The following SLC8A3 variants were observed in gnomAD, a reference collection of about 807,000 sequenced individuals.
SLC8A3 encodes the protein sodium/calcium exchanger 3.
A neutral mutation model predicts 65.4 loss-of-function variants in SLC8A3; 37 were observed. The ratio of observed to expected loss-of-function variants is 0.57; its 90% CI spans 0.44 to 0.74. The LOEUF (loss-of-function observed/expected upper bound fraction) is 0.74, where lower values mean the gene tolerates loss of function less well. Ranked by LOEUF, SLC8A3 falls within the 30% of genes least tolerant of loss-of-function variation. The pLI is 0.00. For missense variants in SLC8A3, 1,112 were observed against 1,172.1 expected (o/e 0.95, Z 0.75); for synonymous variants, 461 against 444.5 (o/e 1.04, Z -0.47).
chr14:70,124,828 G>A (rs1894334989), intron 2 of SLC8A3, among the ~76,000 whole-genome samples: 1 of 152,200 alleles, frequency 6.6e-6, no homozygotes, highest in Admixed American at 6.5e-5. Context: ...GGTTGAAAAG[G>A]TTTATAAGAC....
At chr14:70,152,461 T>C (rs1210836738) in intron 2 of SLC8A3, among the ~76,000 whole-genome samples, 5 of 151,108 alleles carry the variant, frequency 3.3e-5, no homozygotes, top group African/African-American at 1.2e-4. Flanking sequence ...TTATACCCTC[T>C]CCCCACAAGA....
rs541061910 is a variant in SLC8A3, at chr14:70,163,401, C to T, written c.1784+3238G>A. 2.6e-5 allele frequency among the ~76,000 whole-genome samples: 4 copies of T among 152,264 alleles called. No homozygotes were observed. The South Asian group carries it at 6.2e-4, about 24-fold the overall frequency. On this transcript the variant is annotated intron_variant, in intron 2 of 6. Coordinates refer to ENST00000356921, the MANE Select transcript of SLC8A3 (RefSeq NM_182932.3). ...AAGCATAAAACCAAACATGTGAATT[C>T]GTGGATCCTATATTATTGATAGAGC...
chr14:70,084,383 T>A (rs1419129827), intron 2 of SLC8A3, among the ~76,000 whole-genome samples: 1 of 152,220 alleles, frequency 6.6e-6, no homozygotes, highest in Non-Finnish European at 1.5e-5. Flanking sequence ...GTCAACCTTC[T>A]GGGGCTTGAG....
At chr14:70,092,416 C>T (rs935093308) in intron 2 of SLC8A3, among the ~76,000 whole-genome samples, 1 of 152,164 alleles carries the variant, frequency 6.6e-6, no homozygotes, top group Non-Finnish European at 1.5e-5. Flanking sequence ...TGTTGCAGAG[C>T]TGGCAGCTCT....
intron 2 of SLC8A3, among the ~76,000 whole-genome samples, chr14:70,164,935 T>TA (rs1262106251): frequency 6.6e-6 from 1 of 152,226 alleles, no homozygotes; most frequent in Non-Finnish European, 1.5e-5. Context: ...GGTTTCTACT[T>TA]ACGTTAACAA....
At chr14:70,103,172 C>T (rs1892646727) in intron 2 of SLC8A3, among the ~76,000 whole-genome samples, 1 of 151,912 alleles carries the variant, frequency 6.6e-6, no homozygotes, top group Non-Finnish European at 1.5e-5. Flanking sequence ...AGAAAACTGC[C>T]AACCTAGATT....
chr14:70,178,099 C>A (rs1041659342), intron 1 of SLC8A3, among the ~76,000 whole-genome samples: 3 of 152,186 alleles, frequency 2.0e-5, no homozygotes, highest in Non-Finnish European at 4.4e-5. Flanking sequence ...CCACATCAGG[C>A]CCCTTCCTCC....
At chr14:70,062,116 G>A (rs1888866417) in intron 2 of SLC8A3, among the ~76,000 whole-genome samples, 1 of 16,140 alleles carries the variant, frequency 6.2e-5, no homozygotes, top group Admixed American at 5.3e-4. Context: ...TTGGCGGGGG[G>A]CGGGGGGGAG....
In SLC8A3 at chr14:70,167,416, A is replaced by G; in HGVS notation, c.1007T>C (p.Val336Ala). Residue 336 changes from valine to alanine, a missense_variant, in exon 2 of 7, where the codon GTG (valine) becomes GCG (alanine). Transcript: ENST00000356921. Reference protein sequence around the residue: ...KHPEKDLDQLVEMANYYALSH... With the variant: ...KHPEKDLDQLAEMANYYALSH... ...AAGAGCATAGTAATTGGCCATCTCC[A>G]CCAGCTGATCTAAGTCCTTCTCTGG... 1 of 1,614,038 alleles carries G rather than the reference A, an allele frequency of 6.2e-7. No homozygotes were observed. Among genetic ancestry groups the G allele is most frequent in the Non-Finnish European group, 8.5e-7 (1 of 1,179,984 alleles).
intron 2 of SLC8A3, among the ~76,000 whole-genome samples, chr14:70,104,900 A>C (rs1892754506): frequency 6.6e-6 from 1 of 152,224 alleles, no homozygotes; most frequent in South Asian, 2.1e-4. Flanking sequence ...GCCAGAAAAA[A>C]AAATGAACAA....
chr14:70,063,572 C>T (rs888908426), intron 2 of SLC8A3, among the ~76,000 whole-genome samples: 4 of 152,198 alleles, frequency 2.6e-5, no homozygotes, highest in African/African-American at 7.2e-5. Context: ...CAATTACCAT[C>T]GGTCTTGAGC....
At chr14:70,175,156 C>A (rs569818307) in intron 1 of SLC8A3, among the ~76,000 whole-genome samples, 13 of 152,252 alleles carry the variant, frequency 8.5e-5, no homozygotes, top group Middle Eastern at 3.4e-3. Flanking sequence ...AGCAGGCCTC[C>A]GTCTCCTCAT....
At chr14:70,084,859 T>C (rs1004171846) in intron 2 of SLC8A3, among the ~76,000 whole-genome samples, 3 of 152,144 alleles carry the variant, frequency 2.0e-5, no homozygotes, top group Non-Finnish European at 2.9e-5. Context: ...TTGTTTGACA[T>C]TGGACATGGG....
intron 2 of SLC8A3, chr14:70,063,752 T>C: frequency 1.2e-6 from 1 of 826,566 alleles, no homozygotes; most frequent in Non-Finnish European, 2.0e-6. Flanking sequence ...AGGAGACAAA[T>C]GGGTTGGAGA....
chr14:70,104,906 A>G (rs894656965), intron 2 of SLC8A3, among the ~76,000 whole-genome samples: 1 of 152,248 alleles, frequency 6.6e-6, no homozygotes, highest in African/African-American at 2.4e-5. Context: ...AAAAAAAATG[A>G]ACAAATTAAA....
At chr14:70,155,976 A>G (rs2140324308) in intron 2 of SLC8A3, among the ~76,000 whole-genome samples, 1 of 152,342 alleles carries the variant, frequency 6.6e-6, no homozygotes, top group Non-Finnish European at 1.5e-5. Flanking sequence ...AATTACATTA[A>G]CTCATCATAA....
At chr14:70,069,320 C>T (rs1374226794) in intron 2 of SLC8A3, among the ~76,000 whole-genome samples, 1 of 152,148 alleles carries the variant, frequency 6.6e-6, no homozygotes, top group Non-Finnish European at 1.5e-5. Context: ...CCCTCCCATG[C>T]CAGAAATAAT....
chr14:70,070,649 C>T (rs1166282104), intron 2 of SLC8A3, among the ~76,000 whole-genome samples: 2 of 152,186 alleles, frequency 1.3e-5, no homozygotes, highest in African/African-American at 2.4e-5. Flanking sequence ...AACTCTACCA[C>T]ATACCATTCC....
At chr14:70,165,895 T>C (rs1039524247) in intron 2 of SLC8A3, among the ~76,000 whole-genome samples, 3 of 152,222 alleles carry the variant, frequency 2.0e-5, no homozygotes, top group African/African-American at 7.2e-5. Flanking sequence ...TCTCCTTCAC[T>C]GCTTCACCAG....
Sources: allele counts gnomAD v4.1 joint callset (sites outside exome capture counted in the v4.1 genomes callset), GRCh38; gene constraint gnomAD v4.1.1; transcripts MANE v1.5; gene names NCBI Gene and HGNC (gene_info 2026-07-23, HGNC 2026-07-21).